Variants in TMCO1 observed in about 807,000 individuals in gnomAD.
TMCO1 encodes the protein transmembrane and coiled-coil domains 1.
In TMCO1, 29 loss-of-function variants were observed where a neutral mutation model predicts 29.3. That is an observed-to-expected ratio of 0.99 (90% CI 0.74 to 1.35). The LOEUF is 1.35. Ranked by LOEUF, TMCO1 falls within the 40% of genes most tolerant of loss-of-function variation. The pLI, the probability that TMCO1 is intolerant of heterozygous loss-of-function variation, is 0.00. For synonymous variants in TMCO1, 80 were observed against 77.1 expected, an observed-to-expected ratio of 1.04 and a Z score of -0.20; for missense variants, 173 against 225.5, an observed-to-expected ratio of 0.77 and a Z score of 1.49.
At chr1:165,725,010 CTCTCTCTCTCTCTCTA>C (rs765515754), downstream of TMCO1, 959 of 263,912 alleles carry the variant, frequency 3.6e-3, 10 homozygotes, top group African/African-American at 0.032. Flanking sequence ...CTCTCTCTCT[CTCTCTCTCTCTCTCTA>C]TATATATATA....
intron 6 of TMCO1, among the ~76,000 whole-genome samples, chr1:165,728,350 A>G (rs1650988748): frequency 6.6e-6 from 1 of 150,592 alleles, no homozygotes; most frequent in Non-Finnish European, 1.5e-5. Flanking sequence ...TCTGCCTCCC[A>G]GGTTCACGTC....
chr1:165,768,545 C>T lies in TMCO1; in HGVS notation c.70+137G>A, dbSNP rs1450591212. On this transcript the variant is annotated intron_variant, in intron 1 of 6. Transcript: ENST00000367881. ...CCCTCCTGCTCCTGTTCACGAGTTG[C>T]CCAGAGATTCCCTGAAGTGGAGTAG... 3 of 1,563,372 alleles carry T rather than the reference C, an allele frequency of 1.9e-6. No individual in the cohort carries two copies. The East Asian group carries it at 7.1e-5, about 37-fold the overall frequency.
chr1:165,730,048 G>A (rs547189572), intron 6 of TMCO1, among the ~76,000 whole-genome samples: 9 of 152,008 alleles, frequency 5.9e-5, no homozygotes, highest in African/African-American at 2.2e-4. Flanking sequence ...ACGGCCGGGC[G>A]CGGTGGCTCA....
chr1:165,741,752 C>A (rs1651602582), intron 6 of TMCO1, among the ~76,000 whole-genome samples: 1 of 151,860 alleles, frequency 6.6e-6, no homozygotes, highest in Admixed American at 6.6e-5. Flanking sequence ...TTAGCACCAT[C>A]CCCCTTGGTA....
chr1:165,754,113 T>C (rs771843543), intron 4 of TMCO1, 115 bp downstream of exon 4: 4 of 835,442 alleles, frequency 4.8e-6, no homozygotes, highest in South Asian at 1.4e-5. Flanking sequence ...ATATTATTTA[T>C]AGCCTTCACA....
At position 165,739,248 on chromosome 1, in the gene TMCO1, C is replaced by T. The variant is rs138354706; in HGVS notation, c.468+3919G>A. Among the ~76,000 whole-genome samples the T allele has an allele frequency of 5.7e-3, 868 of 152,270 alleles. 6 individuals are homozygous for T. The highest frequency in any genetic ancestry group is 8.4e-3 in the Non-Finnish European group (573 of 68,024). On this transcript the variant is annotated intron_variant, in intron 6 of 6. Transcript: ENST00000367881. ...TTCTCCACAAAGCCTAAAATATTTG[C>T]TATCTAGACCTTTACAGAAACAGTT...
At chr1:165,752,981 T>C (rs1203055574) in intron 4 of TMCO1, among the ~76,000 whole-genome samples, 1 of 152,154 alleles carries the variant, frequency 6.6e-6, no homozygotes, top group African/African-American at 2.4e-5. Flanking sequence ...AGAGAACTAT[T>C]GCACAGTTCA....
chr1:165,734,999 A>C (rs537663959), intron 6 of TMCO1, among the ~76,000 whole-genome samples: 1 of 152,318 alleles, frequency 6.6e-6, no homozygotes, highest in Non-Finnish European at 1.5e-5. Context: ...AAAATTCTGA[A>C]AGATAAGCAC....
chr1:165,760,520 T>C (rs1408671451), intron 2 of TMCO1, among the ~76,000 whole-genome samples: 1 of 151,574 alleles, frequency 6.6e-6, no homozygotes, highest in Non-Finnish European at 1.5e-5. Flanking sequence ...AAAGAAATAG[T>C]GGGCCGGGTG....
At chr1:165,735,021 A>G (rs1375708332) in intron 6 of TMCO1, among the ~76,000 whole-genome samples, 1 of 152,236 alleles carries the variant, frequency 6.6e-6, no homozygotes, top group African/African-American at 2.4e-5. Flanking sequence ...TCAAATCTGC[A>G]CTAGAGTAAT....
intron 5 of TMCO1, among the ~76,000 whole-genome samples, chr1:165,750,215 T>C (rs990030106): frequency 6.6e-6 from 1 of 152,152 alleles, no homozygotes; most frequent in Admixed American, 6.6e-5. Context: ...CTAAAAATTC[T>C]TTATGATGAT....
At chr1:165,757,872 A>C (rs1354056828) in intron 3 of TMCO1, among the ~76,000 whole-genome samples, 1 of 152,204 alleles carries the variant, frequency 6.6e-6, no homozygotes, top group Non-Finnish European at 1.5e-5. Context: ...ACTCCATGTT[A>C]AGATCATTTG....
At chr1:165,732,144 G>A (rs527948575) in intron 6 of TMCO1, among the ~76,000 whole-genome samples, 1 of 152,178 alleles carries the variant, frequency 6.6e-6, no homozygotes, top group South Asian at 2.1e-4. Context: ...AAAAGGACCA[G>A]ACGTCACTAA....
intron 6 of TMCO1, among the ~76,000 whole-genome samples, chr1:165,732,758 G>T (rs1441892321): frequency 6.6e-6 from 1 of 152,002 alleles, no homozygotes; most frequent in Non-Finnish European, 1.5e-5. Flanking sequence ...ATTTTGCTGT[G>T]AACCTAAAAC....
chr1:165,738,649 T>C (rs981611822), intron 6 of TMCO1, among the ~76,000 whole-genome samples: 1 of 152,212 alleles, frequency 6.6e-6, no homozygotes, highest in Admixed American at 6.5e-5. Context: ...CTCTTGTGCA[T>C]AAGCTAACAG....
chr1:165,761,877 A>G lies in TMCO1; in HGVS notation c.149-2293T>C, dbSNP rs918532275. Among the ~76,000 whole-genome samples the G allele has an allele frequency of 5.3e-5, 8 of 152,172 alleles. No individual in the cohort carries two copies. In the East Asian group the frequency reaches 1.4e-3, roughly 26 times the overall value. The stretch of plus-strand genomic sequence containing the variant: ...GATGAGAGGATCATGGAAGCCCAGG[A>G]AGTCAAGACTGCAGTGAGCCATGAT... On this transcript the variant is annotated intron_variant, in intron 2 of 6. Coordinates refer to ENST00000367881, the MANE Select transcript of TMCO1 (RefSeq NM_019026.6).
chr1:165,759,485 A>C, intron 3 of TMCO1, 40 bp downstream of exon 3: 1 of 1,490,228 alleles, frequency 6.7e-7, no homozygotes. Context: ...AATTTTTTTA[A>C]GAAAACCCAA....
At chr1:165,767,422 C>T (rs1019018354) in intron 2 of TMCO1, among the ~76,000 whole-genome samples, 1 of 152,212 alleles carries the variant, frequency 6.6e-6, no homozygotes, top group Non-Finnish European at 1.5e-5. Context: ...TCCTTAAACA[C>T]CTCTTCAACT....
At chr1:165,738,280 G>A (rs1453669582) in intron 6 of TMCO1, among the ~76,000 whole-genome samples, 7 of 152,130 alleles carry the variant, frequency 4.6e-5, no homozygotes, top group Non-Finnish European at 1.0e-4. Flanking sequence ...GCAACAGAAC[G>A]AGACTCTGTC....
Sources: allele counts gnomAD v4.1 joint callset (sites outside exome capture counted in the v4.1 genomes callset), GRCh38; gene constraint gnomAD v4.1.1; transcripts MANE v1.5; gene names NCBI Gene and HGNC (gene_info 2026-07-23, HGNC 2026-07-21).